NWD2: variants seen among roughly 807,000 people sequenced by gnomAD.
NWD2 encodes NACHT and WD repeat domain-containing protein 2.
A neutral mutation model predicts 132.7 loss-of-function variants in NWD2; 37 were observed. The ratio of observed to expected loss-of-function variants is 0.28; its 90% CI spans 0.21 to 0.37. The LOEUF (loss-of-function observed/expected upper bound fraction) is 0.37. Ranked by LOEUF, NWD2 falls within the 10% of genes least tolerant of loss-of-function variation. The pLI is 1.00. For synonymous variants in NWD2, 705 were observed against 803.0 expected (o/e 0.88, Z 2.06); for missense variants, 1,592 against 2,122.4 (o/e 0.75, Z 4.91).
At chr4:37,410,532 C>T (rs537573843) in intron 3 of NWD2, among the ~76,000 whole-genome samples, 2 of 152,308 alleles carry the variant, frequency 1.3e-5, no homozygotes, top group East Asian at 1.9e-4. Flanking sequence ...GAGACTTAGA[C>T]TCCCACACAA....
chr4:37,440,785 C>A (rs548477787), intron 6 of NWD2, among the ~76,000 whole-genome samples: 2 of 152,308 alleles, frequency 1.3e-5, no homozygotes, highest in East Asian at 3.9e-4. Context: ...GCTGAGTTGG[C>A]TCTTCAGCCT....
intron 3 of NWD2, among the ~76,000 whole-genome samples, chr4:37,369,613 C>T (rs1195294021): frequency 2.0e-5 from 3 of 152,052 alleles, no homozygotes; most frequent in Admixed American, 2.0e-4. Flanking sequence ...CATCAAAATT[C>T]GATGAACATT....
intron 3 of NWD2, among the ~76,000 whole-genome samples, chr4:37,425,210 T>A (rs929290513): frequency 5.9e-5 from 9 of 152,254 alleles, no homozygotes; most frequent in South Asian, 2.1e-4. Context: ...TTCAGTGACA[T>A]TTACTACATT....
At position 37,417,384 on chromosome 4, in the gene NWD2, C is replaced by T. The variant is rs1466760051; in HGVS notation, c.358-13188C>T. 2.6e-5 allele frequency among the ~76,000 whole-genome samples: 4 copies of T among 151,760 alleles called. No individual in the cohort carries two copies. The East Asian group carries it at 5.8e-4, about 22-fold the overall frequency. On this transcript the variant is annotated intron_variant, in intron 3 of 6. Transcript: ENST00000309447. ...TGAATTTTAAAAGTACAAAATATGT[C>T]TCATATAATGTATGTAAATTTTAAA... is the stretch of plus-strand genomic sequence containing the variant.
intron 3 of NWD2, among the ~76,000 whole-genome samples, chr4:37,393,641 G>C (rs1399713576): frequency 1.3e-5 from 2 of 152,180 alleles, no homozygotes; most frequent in African/African-American, 2.4e-5. Flanking sequence ...ACATTGAAAA[G>C]CTGAATTCTC....
intron 4 of NWD2, among the ~76,000 whole-genome samples, chr4:37,432,122 C>T (rs968323027): frequency 6.6e-6 from 1 of 151,942 alleles, no homozygotes; most frequent in South Asian, 2.1e-4. Flanking sequence ...CTAGAAAATT[C>T]TCAGTCATCT....
intron 1 of NWD2, among the ~76,000 whole-genome samples, chr4:37,310,654 T>C (rs1012752232): frequency 3.9e-5 from 6 of 151,990 alleles, no homozygotes; most frequent in Non-Finnish European, 5.9e-5. Flanking sequence ...TTATTATACT[T>C]TAAGTTTTAG....
chr4:37,304,655 C>A (rs1488066768), intron 1 of NWD2, among the ~76,000 whole-genome samples: 2 of 152,190 alleles, frequency 1.3e-5, no homozygotes, highest in East Asian at 1.9e-4. Context: ...CCCAGCAGGG[C>A]AGTCATTAAA....
In NWD2 at chr4:37,277,682, T is replaced by G. The variant is rs369306198; in HGVS notation, c.151+32464T>G. 3.9e-5 allele frequency among the ~76,000 whole-genome samples: 6 copies of G among 152,200 alleles called. No individual in the cohort carries two copies. In the South Asian group the frequency reaches 1.0e-3, roughly 26 times the overall value. ...CCTTTTTTTTACATTAATAACAACT[T>G]CTTTCAAGTCTTTAATATCAGGGAT... On this transcript the variant is annotated intron_variant, in intron 1 of 6. Transcript: ENST00000309447.
At chr4:37,340,502 GTTTAC>G in intron 2 of NWD2, among the ~76,000 whole-genome samples, 1 of 152,334 alleles carries the variant, frequency 6.6e-6, no homozygotes, top group South Asian at 2.1e-4. Flanking sequence ...CCCTCATGGA[GTTTAC>G]AGTCTCGCAG....
At chr4:37,399,048 A>G (rs1201607285) in intron 3 of NWD2, among the ~76,000 whole-genome samples, 1 of 152,242 alleles carries the variant, frequency 6.6e-6, no homozygotes, top group Admixed American at 6.5e-5. Context: ...AAAGGTACAC[A>G]TTTTATAATA....
In NWD2 at chr4:37,364,691, T is replaced by TACACACACACACACACAC. The variant is rs57981065; in HGVS notation, c.357+8226_357+8243dup. ...GTCAGAGCAGACTTCTACCTCCACT[T>TACACACACACACACACAC]ACACACACACACACACACACACACA... On this transcript the variant is annotated intron_variant, in intron 3 of 6. Transcript: ENST00000309447. 3.2e-3 allele frequency among the ~76,000 whole-genome samples: 465 copies of TACACACACACACACACAC among 146,670 alleles called. 4 individuals carry two copies. The highest frequency in any genetic ancestry group is 0.011 in the African/African-American group (433 of 39,490).
rs57981065 is a variant in NWD2, at chr4:37,364,691, T to TACACACAC, written c.357+8236_357+8243dup. On this transcript the variant is annotated intron_variant, in intron 3 of 6. Transcript: ENST00000309447. The stretch of plus-strand genomic sequence containing the variant: ...GTCAGAGCAGACTTCTACCTCCACT[T>TACACACAC]ACACACACACACACACACACACACA... Among the ~76,000 whole-genome samples the TACACACAC allele has an allele frequency of 2.2e-3, 319 of 146,682 alleles. 2 individuals carry two copies. The highest frequency in any genetic ancestry group is 0.015 in the East Asian group (71 of 4,852).
At chr4:37,302,529 A>G (rs552046265) in intron 1 of NWD2, among the ~76,000 whole-genome samples, 2 of 151,740 alleles carry the variant, frequency 1.3e-5, no homozygotes, top group African/African-American at 4.8e-5. Flanking sequence ...TTTTTGAGAA[A>G]CCTCCACACC....
At chr4:37,393,564 C>T (rs148139163) in intron 3 of NWD2, among the ~76,000 whole-genome samples, 23 of 152,264 alleles carry the variant, frequency 1.5e-4, no homozygotes, top group African/African-American at 5.5e-4. Flanking sequence ...CAACTACTAC[C>T]ACAGACTCCT....
chr4:37,320,040 C>T (rs1310242410), intron 1 of NWD2, among the ~76,000 whole-genome samples: 2 of 152,132 alleles, frequency 1.3e-5, no homozygotes, highest in East Asian at 3.8e-4. Context: ...ATAGGAATAG[C>T]ATTGAATCTG....
Position 37,309,514 on chromosome 4 carries a change from C to A in NWD2, c.152-16422C>A, listed in dbSNP as rs1251546664. On this transcript the variant is annotated intron_variant, in intron 1 of 6. Transcript: ENST00000309447. ...ATGCAGAGAAGCAGGCCCTTTGGGG[C>A]TCCTGGACAGGGTACATTTTAGCAG... 2.6e-5 allele frequency among the ~76,000 whole-genome samples: 4 copies of A among 152,116 alleles called. No homozygotes were observed. The East Asian group carries it at 7.7e-4, about 29-fold the overall frequency.
intron 3 of NWD2, among the ~76,000 whole-genome samples, chr4:37,378,473 G>A (rs1428527394): frequency 6.6e-6 from 1 of 152,230 alleles, no homozygotes; most frequent in African/African-American, 2.4e-5. Context: ...TCCAAGAACG[G>A]AAGGAAGTCC....
At chr4:37,347,073 C>A (rs1719652053) in intron 2 of NWD2, among the ~76,000 whole-genome samples, 1 of 151,876 alleles carries the variant, frequency 6.6e-6, no homozygotes, top group African/African-American at 2.4e-5. Context: ...TGACTTCTTT[C>A]TCATTGACTA....
Sources: allele counts gnomAD v4.1 joint callset (sites outside exome capture counted in the v4.1 genomes callset), GRCh38; gene constraint gnomAD v4.1.1; transcripts MANE v1.5; gene names NCBI Gene and HGNC (gene_info 2026-07-23, HGNC 2026-07-21).